The following RAB37 variants were observed in gnomAD, a reference collection of about 807,000 sequenced individuals.
The protein encoded by RAB37 is ras-related protein Rab-37.
RAB37 carries 29 observed loss-of-function variants against 33.1 expected under a neutral mutation model. The observed-to-expected ratio is 0.88, with a 90% CI of 0.65 to 1.20. RAB37 has a LOEUF of 1.20. Ranked by LOEUF, RAB37 falls within the 50% of genes most tolerant of loss-of-function variation. RAB37 has a pLI of 0.00. For missense variants in RAB37, 299 were observed against 301.1 expected, an observed-to-expected ratio of 0.99 and a Z score of 0.05; for synonymous variants, 128 against 119.5, an observed-to-expected ratio of 1.07 and a Z score of -0.47.
In RAB37 at chr17:74,676,091, C is replaced by A. The variant is rs999154878; in HGVS notation, c.72+4433C>A. 6.6e-6 allele frequency among the ~76,000 whole-genome samples: 1 copy of A among 152,130 alleles called. No individual in the cohort carries two copies. Among genetic ancestry groups the A allele is most frequent in the African/African-American group, 2.4e-5 (1 of 41,416 alleles). ...GGGGTAGGGGTTCAGGAACAGCCCA[C>A]GGATTGGGTCCCTACTGTGCCAGGG... On this transcript the variant is annotated intron_variant, in intron 1 of 7. Coordinates refer to the RAB37 transcript ENST00000340415. The surrounding 1 kb of genome is among the most constrained non-coding windows in gnomAD (Gnocchi z 4.1).
chr17:74,727,485 G>A (rs922852190), intron 1 of RAB37, among the ~76,000 whole-genome samples: 17 of 152,208 alleles, frequency 1.1e-4, no homozygotes, highest in Non-Finnish European at 1.9e-4. Context: ...AGGCCATGAG[G>A]GAGCCCTTGA....
At chr17:74,740,725 T>A (rs1308165048) in intron 1 of RAB37, 43 bp from the exon 2 acceptor site, 2 of 1,325,640 alleles carry the variant, frequency 1.5e-6, no homozygotes, top group Middle Eastern at 1.8e-4. Context: ...TCCCAGAAGC[T>A]GCCCCTGACT....
intron 1 of RAB37, chr17:74,712,843 C>G: frequency 6.2e-7 from 1 of 1,614,052 alleles, no homozygotes; most frequent in South Asian, 1.1e-5. Flanking sequence ...AGAAGAGGAG[C>G]AGGTAGAGTG....
intron 1 of RAB37, among the ~76,000 whole-genome samples, chr17:74,719,476 A>C (rs1357194678): frequency 2.0e-5 from 3 of 152,050 alleles, no homozygotes; most frequent in African/African-American, 7.2e-5. Context: ...AATAAAATAA[A>C]ATAATTTGCT....
Position 74,729,409 on chromosome 17 carries a change from GAC to G in RAB37, c.183+44_183+45del. 1 of 1,380,194 alleles carries G rather than the reference GAC, an allele frequency of 7.2e-7. No homozygotes were observed. Among genetic ancestry groups the G allele is most frequent in the Non-Finnish European group, 1.0e-6 (1 of 966,294 alleles). The allele number at this position is 1,380,194 out of a possible 1,614,324, so 85.5% of individuals were successfully genotyped here. On this transcript the variant is annotated intron_variant, in intron 2 of 7. Coordinates refer to the RAB37 transcript ENST00000340415. This position sits in a 1 kb window ranked among gnomAD's most constrained non-coding sequence, Gnocchi z 4.2. Reference sequence around the variant, plus strand: ...CTGCCAGCTCTGGGCCTGGGCTCAGGACCCCAGCGTGTTTCTGTTGAGTGCCA... The same window carrying G: ...CTGCCAGCTCTGGGCCTGGGCTCAGGCCCAGCGTGTTTCTGTTGAGTGCCA...
chr17:74,737,180 G>A (rs1264732197), upstream of RAB37: 2 of 1,538,662 alleles, frequency 1.3e-6, no homozygotes, highest in African/African-American at 1.4e-5. Context: ...GGTCCCGGTC[G>A]AGGGAGGGGA....
chr17:74,713,318 A>G (rs890546073), intron 1 of RAB37, among the ~76,000 whole-genome samples: 1 of 149,634 alleles, frequency 6.7e-6, no homozygotes, highest in African/African-American at 2.5e-5. Flanking sequence ...ACAAAAACAA[A>G]AAAAAAAAAA....
At chr17:74,737,247 G>A (rs771015329), upstream of RAB37, 30 of 1,546,602 alleles carry the variant, frequency 1.9e-5, no homozygotes, top group Admixed American at 1.3e-4. Flanking sequence ...CTGCGGGCCG[G>A]CACTGCTCAC....
chr17:74,744,852 T>C lies in RAB37; in HGVS notation c.433-21T>C. 1 of 1,614,112 alleles carries C rather than the reference T, an allele frequency of 6.2e-7. No homozygotes were observed. The highest frequency in any genetic ancestry group is 8.5e-7 in the Non-Finnish European group (1 of 1,179,976). On this transcript the variant is annotated intron_variant, in intron 6 of 8. Transcript: ENST00000392613. The surrounding 1 kb of genome is among the most constrained non-coding windows in gnomAD (Gnocchi z 4.2). ...GGGGCGGAGGCCTCCTTCCCCAGAG[T>C]GACCCATTTGGGCTTGACAGGCGGA...
chr17:74,695,192 C>T (rs1178196661), intron 1 of RAB37: 1 of 1,614,186 alleles, frequency 6.2e-7, no homozygotes, highest in Admixed American at 1.7e-5. Context: ...AGGTCGGTTC[C>T]TGATCCTCAG....
Position 74,676,771 on chromosome 17 carries a change from C to T in RAB37, c.72+5113C>T, listed in dbSNP as rs780799153. On this transcript the variant is annotated intron_variant, in intron 1 of 7. Coordinates refer to the RAB37 transcript ENST00000340415. The surrounding 1 kb of genome is among the most constrained non-coding windows in gnomAD (Gnocchi z 4.1). ...TTCCAGAAGTGTCCTAAGAAAGATA[C>T]GGGTAGCTGCAAGGGAGTGACCCAG... 2.6e-5 allele frequency among the ~76,000 whole-genome samples: 4 copies of T among 152,160 alleles called. No individual in the cohort carries two copies. The highest frequency in any genetic ancestry group is 7.2e-5 in the African/African-American group (3 of 41,432).
intron 1 of RAB37, among the ~76,000 whole-genome samples, chr17:74,725,334 C>T (rs1404842619): frequency 6.6e-6 from 1 of 152,150 alleles, no homozygotes; most frequent in Non-Finnish European, 1.5e-5. Context: ...GCATGAGGCT[C>T]CACATCCAAG....
Position 74,676,153 on chromosome 17 carries a change from A to C in RAB37, c.72+4495A>C, listed in dbSNP as rs1396429097. ...GCTCCCAGAAAATGAAAAGATTTTC[A>C]TTTCATTTTCACAGAGAGGGCAAGC... is the stretch of plus-strand genomic sequence containing the variant. On this transcript the variant is annotated intron_variant, in intron 1 of 7. Coordinates refer to the RAB37 transcript ENST00000340415. The surrounding 1 kb of genome is among the most constrained non-coding windows in gnomAD (Gnocchi z 4.1). Among the ~76,000 whole-genome samples the C allele has an allele frequency of 1.3e-5, 2 of 152,142 alleles. No homozygotes were observed. Among genetic ancestry groups the C allele is most frequent in the Non-Finnish European group, 2.9e-5 (2 of 68,026 alleles).
rs554444194 is a variant in RAB37, at chr17:74,742,708, C to T, written c.246+413C>T. On this transcript the variant is annotated intron_variant, in intron 3 of 8. Coordinates refer to ENST00000392613, the MANE Select transcript of RAB37 (RefSeq NM_001006638.3). This position sits in a 1 kb window ranked among gnomAD's most constrained non-coding sequence, Gnocchi z 4.0. ...TGGCACAATCTCGGCTCACTGCAAC[C>T]TCTGCCTCCCAGGTTTAAGAGATTC... Among the ~76,000 whole-genome samples the T allele has an allele frequency of 1.3e-5, 2 of 152,004 alleles. No individual in the cohort carries two copies. Among genetic ancestry groups the T allele is most frequent in the East Asian group, 1.9e-4 (1 of 5,186 alleles).
At chr17:74,695,627 C>T (rs906573901) in intron 1 of RAB37, 10 of 1,547,676 alleles carry the variant, frequency 6.5e-6, no homozygotes, top group Middle Eastern at 4.0e-4. Flanking sequence ...CTCCTCTATG[C>T]CCACATGAGC....
chr17:74,745,399 C>T lies in RAB37; in HGVS notation c.660C>T (p.Cys220=), dbSNP rs2034737699. ...VESQKKRSSC[C]SFM ...CCCAGAAGAAGCGCTCCAGCTGCTG[C>T]TCCTTCATGTGAATCCCAGGGGGCA... The change falls in exon 9 of 9, where the codon TGC becomes TGT. Residue 220 remains cysteine (C), a synonymous_variant. Transcript: ENST00000392613. This position sits in a 1 kb window ranked among gnomAD's most constrained non-coding sequence, Gnocchi z 4.5. 1.9e-6 allele frequency: 3 copies of T among 1,613,664 alleles called. No individual in the cohort carries two copies. Among genetic ancestry groups the T allele is most frequent in the African/African-American group, 1.3e-5 (1 of 74,948 alleles).
At chr17:74,724,264 CAGA>C (rs1277036634) in intron 1 of RAB37, among the ~76,000 whole-genome samples, 4 of 152,148 alleles carry the variant, frequency 2.6e-5, no homozygotes, top group Non-Finnish European at 5.9e-5. Context: ...CGGGACAACT[CAGA>C]AGCAAAGGCA....
chr17:74,716,517 T>C (rs769636753), intron 1 of RAB37, among the ~76,000 whole-genome samples: 1 of 152,220 alleles, frequency 6.6e-6, no homozygotes, highest in African/African-American at 2.4e-5. Flanking sequence ...TTTTCCATCA[T>C]TATTACATTG....
Position 74,745,111 on chromosome 17 carries a change from G to T in RAB37, c.566+27G>T. ...TGAGAGCTGGGCAGGGAAGGGAAGT[G>T]TGCGGGGCAGGGCGGCACACTCCAG... On this transcript the variant is annotated intron_variant, in intron 8 of 8. Coordinates refer to ENST00000392613, the MANE Select transcript of RAB37 (RefSeq NM_001006638.3). This position sits in a 1 kb window ranked among gnomAD's most constrained non-coding sequence, Gnocchi z 4.5. The T allele has an allele frequency of 6.2e-7, 1 of 1,612,668 alleles. No homozygotes were observed. Among genetic ancestry groups the T allele is most frequent in the Non-Finnish European group, 8.5e-7 (1 of 1,178,938 alleles).
Sources: gnomAD v4.1 joint callset for allele counts (sites outside exome capture counted in the v4.1 genomes callset) on GRCh38, gnomAD v4.1.1 for gene constraint, Gnocchi (gnomAD v3.1) non-coding constraint, MANE v1.5 for transcripts, NCBI Gene and HGNC (gene_info 2026-07-23, HGNC 2026-07-21) for gene names.